PRIMPOL: variants seen among roughly 807,000 people sequenced by gnomAD.
The protein encoded by PRIMPOL is primase and DNA directed polymerase.
Under a neutral mutation model 63.6 loss-of-function variants are expected in PRIMPOL, and 54 were observed. The ratio of observed to expected loss-of-function variants is 0.85; its 90% confidence interval spans 0.68 to 1.07. The LOEUF is 1.07. Among genes scored for constraint, PRIMPOL ranks in the 50% least tolerant of loss-of-function variants. PRIMPOL has a pLI of 0.00. For missense variants in PRIMPOL, 610 were observed against 648.3 expected (o/e 0.94, Z 0.64); for synonymous variants, 197 against 220.2 (o/e 0.89, Z 0.93).
intron 13 of PRIMPOL, 78 bp from the exon 14 acceptor site, chr4:184,694,444 A>G: frequency 2.7e-6 from 4 of 1,508,268 alleles, no homozygotes; most frequent in Non-Finnish European, 3.6e-6. Flanking sequence ...ACTTCAACAT[A>G]GAGTATAAGG....
intron 6 of PRIMPOL, among the ~76,000 whole-genome samples, 175 bp from the exon 7 acceptor site, chr4:184,671,998 C>A (rs1751887627): frequency 6.6e-6 from 1 of 152,164 alleles, no homozygotes; most frequent in Non-Finnish European, 1.5e-5. Context: ...CCTCGGCCTC[C>A]CAAAGTGCTG....
At chr4:184,653,354 C>G (rs555293974) in intron 2 of PRIMPOL, among the ~76,000 whole-genome samples, 59 of 152,318 alleles carry the variant, frequency 3.9e-4, no homozygotes, top group African/African-American at 1.4e-3. Context: ...TGCCTCTTCT[C>G]CCACTATAGT....
rs749057543 is a variant in PRIMPOL at position 184,672,459 on chromosome 4, C to T, written c.843C>T (p.Leu281=). The T allele has an allele frequency of 1.9e-5, 31 of 1,599,270 alleles. No homozygotes were observed. Among genetic ancestry groups the T allele is most frequent in the Middle Eastern group, 1.7e-4 (1 of 6,010 alleles). The change falls in exon 7 of 14, where the codon CTC becomes CTT. Residue 281 remains leucine (L), a splice_region_variant and synonymous_variant. Coordinates refer to ENST00000314970, the MANE Select transcript of PRIMPOL (RefSeq NM_152683.4). ...NMGEKHLFVD[L]GVYTRNRNFR... ...GAGAGAAGCATCTTTTTGTAGATCTCGGTAAGTAAGATTGACAGCTTTCTC... is the reference window on the plus strand; with the variant it reads ...GAGAGAAGCATCTTTTTGTAGATCTTGGTAAGTAAGATTGACAGCTTTCTC...
chr4:184,687,580 G>A (rs544452934), intron 11 of PRIMPOL, among the ~76,000 whole-genome samples: 13 of 152,066 alleles, frequency 8.5e-5, no homozygotes, highest in South Asian at 2.1e-4. Flanking sequence ...TCCCATATAC[G>A]TTCATATCTC....
chr4:184,687,277 GC>G (rs1554004724), intron 11 of PRIMPOL, among the ~76,000 whole-genome samples: 1 of 152,116 alleles, frequency 6.6e-6, no homozygotes, highest in Non-Finnish European at 1.5e-5. Context: ...CACTATGTTG[GC>G]TGGGCTGGTC....
intron 6 of PRIMPOL, among the ~76,000 whole-genome samples, chr4:184,669,289 C>T (rs191683368): frequency 5.9e-5 from 9 of 152,172 alleles, no homozygotes; most frequent in Non-Finnish European, 8.8e-5. Flanking sequence ...TAGATTTGAC[C>T]AAAGTCACAG....
At chr4:184,650,702 C>G (rs1744066717) in intron 1 of PRIMPOL, among the ~76,000 whole-genome samples, 1 of 152,098 alleles carries the variant, frequency 6.6e-6, no homozygotes, top group African/African-American at 2.4e-5. Flanking sequence ...AAGAATTCAC[C>G]AACACATGTG....
intron 11 of PRIMPOL, among the ~76,000 whole-genome samples, chr4:184,689,084 G>A (rs1225356841): frequency 6.6e-6 from 1 of 151,634 alleles, no homozygotes; most frequent in African/African-American, 2.4e-5. Flanking sequence ...TCGCCCTGTC[G>A]CCCAGGCTTG....
intron 13 of PRIMPOL, among the ~76,000 whole-genome samples, chr4:184,692,269 T>A (rs1180187892): frequency 2.0e-5 from 3 of 150,816 alleles, no homozygotes; most frequent in African/African-American, 7.3e-5. Context: ...AGGTCATGAG[T>A]TTGAGACCGG....
intron 1 of PRIMPOL, among the ~76,000 whole-genome samples, chr4:184,651,440 C>T (rs1744439310): frequency 6.6e-6 from 1 of 152,118 alleles, no homozygotes; most frequent in Non-Finnish European, 1.5e-5. Flanking sequence ...CTTTTTCTGC[C>T]TCAATAAAAC....
Position 184,661,787 on chromosome 4 carries a change from C to A in PRIMPOL, c.292C>A (p.His98Asn), listed in dbSNP as rs150123773. ...TATTCAATTTAGAAAAAATCTCTTA[C>A]ACTGCTATGAAGTTATTCCTGAAAA... ...FYYKSRKNLL[H>N]CYEVIPENAV... is the part of the protein sequence containing the mutation. The change falls in exon 5 of 14, where the codon CAC (histidine) becomes AAC (asparagine). Residue 98 changes from histidine (H) to asparagine (N), a missense_variant. Physicochemically the swap from His to Asn is moderately conservative, Grantham distance 68 (BLOSUM62 1). Around this residue, in one of 3 missense-constraint regions of PRIMPOL, gnomAD observed 159 missense variants for 168.9 expected, o/e 0.94. Coordinates refer to ENST00000314970, the MANE Select transcript of PRIMPOL (RefSeq NM_152683.4). 6.2e-7 allele frequency: 1 copy of A among 1,603,110 alleles called. No individual in the cohort carries two copies. The highest frequency in any genetic ancestry group is 8.5e-7 in the Non-Finnish European group (1 of 1,173,318).
intron 2 of PRIMPOL, among the ~76,000 whole-genome samples, chr4:184,655,919 A>G (rs1330830493): frequency 6.6e-6 from 1 of 152,180 alleles, no homozygotes; most frequent in Non-Finnish European, 1.5e-5. Flanking sequence ...GCCAGCCCCA[A>G]ACTTACTGGC....
intron 3 of PRIMPOL, among the ~76,000 whole-genome samples, chr4:184,658,157 T>C (rs892596325): frequency 6.6e-6 from 1 of 152,044 alleles, no homozygotes; most frequent in Admixed American, 6.6e-5. Flanking sequence ...AAGTGTGCTG[T>C]GAGTCTGATC....
At chr4:184,659,196 T>G in intron 3 of PRIMPOL, 144 bp from the exon 4 acceptor site, 2 of 634,178 alleles carry the variant, frequency 3.2e-6, no homozygotes, top group South Asian at 2.0e-5. Flanking sequence ...AGTGACTATT[T>G]GTCTTGTTTT....
At chr4:184,686,891 C>T (rs543856990) in intron 11 of PRIMPOL, among the ~76,000 whole-genome samples, 1 of 152,270 alleles carries the variant, frequency 6.6e-6, no homozygotes, top group East Asian at 1.9e-4. Flanking sequence ...AGATACAGTG[C>T]CACAGCCAGG....
chr4:184,653,001 G>A (rs374199842), intron 2 of PRIMPOL, among the ~76,000 whole-genome samples: 17 of 136 alleles, frequency 0.12, 1 homozygote, highest in Non-Finnish European at 0.25. Flanking sequence ...GAAGGAAGAA[G>A]GGAAGGAAGG....
intron 7 of PRIMPOL, among the ~76,000 whole-genome samples, chr4:184,677,599 T>C (rs569034568): frequency 6.6e-6 from 1 of 152,350 alleles, no homozygotes; most frequent in East Asian, 1.9e-4. Context: ...GTTTGTTCTT[T>C]GAAATTTCTT....
At chr4:184,655,065 A>C (rs1367760309) in intron 2 of PRIMPOL, among the ~76,000 whole-genome samples, 1 of 151,458 alleles carries the variant, frequency 6.6e-6, no homozygotes, top group African/African-American at 2.4e-5. Context: ...GCTAGAGTGC[A>C]GTGTCATAAT....
intron 4 of PRIMPOL, among the ~76,000 whole-genome samples, 200 bp downstream of exon 4, chr4:184,659,637 T>C (rs1393519462): frequency 6.6e-6 from 1 of 152,200 alleles, no homozygotes; most frequent in East Asian, 1.9e-4. Flanking sequence ...AAAATAATCA[T>C]GCACATACAC....
Sources: allele counts gnomAD v4.1 joint callset (sites outside exome capture counted in the v4.1 genomes callset), GRCh38; gene constraint gnomAD v4.1.1; regional missense constraint gnomAD v4.1.1; transcripts MANE v1.5; gene names NCBI Gene and HGNC (gene_info 2026-07-23, HGNC 2026-07-21).